The following TARBP1 variants were observed in gnomAD, a reference collection of about 807,000 sequenced individuals.
The protein encoded by TARBP1 is tRNA guanosine 2 -O-methyltransferase TARBP1, also known as tRNA (guanosine(18)-2'-O)-methyltransferase TARBP1.
Under a neutral mutation model 178.6 loss-of-function variants are expected in TARBP1, and 144 were observed. The observed-to-expected ratio is 0.81, with a 90% CI of 0.70 to 0.93. The LOEUF (loss-of-function observed/expected upper bound fraction) is 0.93. TARBP1 is among the 40% of genes least tolerant of loss of function. The probability of loss-of-function intolerance (pLI) is 0.00; values close to 1 mark genes in which losing one functional copy is unlikely to be tolerated. For synonymous variants in TARBP1, 787 were observed against 781.0 expected (o/e 1.01, Z -0.13); for missense variants, 2,067 against 2,011.7 (o/e 1.03, Z -0.53).
intron 25 of TARBP1, 69 bp from the exon 26 acceptor site, chr1:234,398,622 A>G: frequency 8.7e-7 from 1 of 1,155,324 alleles, no homozygotes; most frequent in Non-Finnish European, 1.2e-6. Context: ...AACATTTAAA[A>G]TACAACTTAA....
At chr1:234,423,091 G>T (rs1663297870) in intron 20 of TARBP1, among the ~76,000 whole-genome samples, 1 of 152,210 alleles carries the variant, frequency 6.6e-6, no homozygotes, top group Non-Finnish European at 1.5e-5. Context: ...TGACGCTGCT[G>T]ATCCAGAGAC....
At chr1:234,465,842 T>G in intron 4 of TARBP1, 134 bp from the exon 5 acceptor site, 1 of 673,354 alleles carries the variant, frequency 1.5e-6, no homozygotes, top group Non-Finnish European at 2.3e-6. Context: ...TCTCTTACGC[T>G]GCAGGCTAAA....
chr1:234,392,672 A>T, intron 28 of TARBP1, 120 bp from the exon 29 acceptor site: 1 of 835,170 alleles, frequency 1.2e-6, no homozygotes, highest in Non-Finnish European at 1.8e-6. Context: ...GGAGAGAATT[A>T]TACATTATAA....
At chr1:234,436,847 G>A (rs1161825006) in intron 13 of TARBP1, among the ~76,000 whole-genome samples, 2 of 152,222 alleles carry the variant, frequency 1.3e-5, no homozygotes, top group African/African-American at 4.8e-5. Flanking sequence ...TACAGTCACA[G>A]AGCATCCTCT....
At chr1:234,423,556 C>G (rs1355183494) in intron 20 of TARBP1, among the ~76,000 whole-genome samples, 2 of 152,126 alleles carry the variant, frequency 1.3e-5, no homozygotes. Context: ...CACCATGAAA[C>G]GCCTTTGTCG....
chr1:234,425,913 A>AT, intron 19 of TARBP1, 120 bp from the exon 20 acceptor site: 7 of 724,280 alleles, frequency 9.7e-6, no homozygotes, highest in Non-Finnish European at 1.6e-5. Flanking sequence ...AAAATTAAGT[A>AT]GGTCCATACT....
Position 234,391,473 on chromosome 1 carries a change from G to T in TARBP1, c.*104C>A. On this transcript the variant is annotated 3_prime_UTR_variant, in exon 30 of 30. Coordinates refer to ENST00000040877, the MANE Select transcript of TARBP1 (RefSeq NM_005646.4). ...TTTGGCATTAAATTGCAAGAAAAAA[G>T]AAATACAAATTATCACAATAAATTT... 2.3e-6 allele frequency: 3 copies of T among 1,297,978 alleles called. No individual in the cohort carries two copies. The highest frequency in any genetic ancestry group is 3.1e-6 in the Non-Finnish European group (3 of 976,408). 80.4% of individuals were successfully genotyped at this position (1,297,978 alleles called of 1,614,324 possible).
chr1:234,444,662 C>T (rs899935053), intron 12 of TARBP1, among the ~76,000 whole-genome samples: 13 of 151,698 alleles, frequency 8.6e-5, no homozygotes, highest in African/African-American at 2.9e-4. Context: ...CCAACACTTC[C>T]ATCCCCACCC....
At chr1:234,446,707 T>G (rs1666214219) in intron 12 of TARBP1, 96 bp downstream of exon 12, 1 of 760,904 alleles carries the variant, frequency 1.3e-6, no homozygotes. Flanking sequence ...ATAAAAAGTT[T>G]TCTCTTTGTT....
In TARBP1 at chr1:234,479,113, G is replaced by A. The variant is rs1410875758; in HGVS notation, c.-10C>T. On this transcript the variant is annotated 5_prime_UTR_variant, in exon 1 of 30. Transcript: ENST00000040877. ...CGAGCACCCACTCCATTTGCCGAGC[G>A]CCCGCGCCACCGGCCCGGGCTCCCA... 1.3e-6 allele frequency: 2 copies of A among 1,524,906 alleles called. No individual in the cohort carries two copies. The highest frequency in any genetic ancestry group is 1.4e-5 in the African/African-American group (1 of 69,414). The allele number at this position is 1,524,906 out of a possible 1,614,324, so 94.5% of individuals were successfully genotyped here. A position where few individuals can be genotyped will look rare whatever the true frequency, so the allele number is the denominator to read the frequency against.
Position 234,478,754 on chromosome 1 carries a change from G to A in TARBP1, c.350C>T (p.Ala117Val), listed in dbSNP as rs538746249. Residue 117 changes from alanine to valine, a missense_variant, in exon 1 of 30, where the codon GCG becomes GTG. Transcript: ENST00000040877. ...CVRLAGRPQL[A>V]AALAEEALRD... ...CAGCGCCTCCTCAGCCAGCGCGGCC[G>A]CCAGCTGCGGACGCCCGGCCAGGCG... is the stretch of plus-strand genomic sequence containing the variant. 21 of 1,145,158 alleles carry A rather than the reference G, an allele frequency of 1.8e-5. No individual in the cohort carries two copies. Among genetic ancestry groups the A allele is most frequent in the African/African-American group, 8.3e-5 (5 of 60,570 alleles). The allele number at this position is 1,145,158 out of a possible 1,614,324, so 70.9% of individuals were successfully genotyped here. A position where few individuals can be genotyped will look rare whatever the true frequency, so the allele number is the denominator to read the frequency against.
At position 234,479,151 on chromosome 1, in the gene TARBP1, GGC is replaced by G. The variant is rs1408397785; in HGVS notation, c.-50_-49del. 1 of 1,461,412 alleles carries G rather than the reference GGC, an allele frequency of 6.8e-7. No homozygotes were observed. Among genetic ancestry groups the G allele is most frequent in the African/African-American group, 1.5e-5 (1 of 67,648 alleles). 90.5% of individuals were successfully genotyped at this position (1,461,412 alleles called of 1,614,324 possible). On this transcript the variant is annotated 5_prime_UTR_variant, in exon 1 of 30. Coordinates refer to ENST00000040877, the MANE Select transcript of TARBP1 (RefSeq NM_005646.4). ...GCCCGGGCTCCCAAAGGAAGGCGCC[GGC>G]GTGTGCGATGCGTGCGCACAGGACC... is the stretch of plus-strand genomic sequence containing the variant.
At chr1:234,454,789 A>G (rs1312840992) in intron 9 of TARBP1, among the ~76,000 whole-genome samples, 1 of 152,220 alleles carries the variant, frequency 6.6e-6, no homozygotes, top group East Asian at 1.9e-4. Context: ...GGTAGGCCCA[A>G]AGATACCGAG....
chr1:234,392,394 A>G (rs969490945), intron 29 of TARBP1, 22 bp downstream of exon 29: 5 of 1,611,858 alleles, frequency 3.1e-6, no homozygotes, highest in African/African-American at 1.3e-5. Flanking sequence ...AGAATATACT[A>G]TGGACACAAG....
intron 12 of TARBP1, among the ~76,000 whole-genome samples, chr1:234,437,864 C>T (rs905296229): frequency 2.0e-5 from 3 of 152,190 alleles, no homozygotes; most frequent in Admixed American, 2.0e-4. Flanking sequence ...TACTGGATTG[C>T]AGACAGGGAG....
chr1:234,453,926 G>A (rs763886706), intron 9 of TARBP1, among the ~76,000 whole-genome samples: 1 of 152,100 alleles, frequency 6.6e-6, no homozygotes, highest in Non-Finnish European at 1.5e-5. Context: ...AGGACATTAG[G>A]AGACAGGCAA....
In TARBP1 at chr1:234,439,452, C is replaced by A. The variant is rs192420892; in HGVS notation, c.2135-2080G>T. Among the ~76,000 whole-genome samples the A allele has an allele frequency of 4.6e-5, 7 of 151,960 alleles. No homozygotes were observed. In the East Asian group the frequency reaches 1.4e-3, roughly 29 times the overall value. On this transcript the variant is annotated intron_variant, in intron 12 of 29. Transcript: ENST00000040877. The stretch of plus-strand genomic sequence containing the variant: ...ATATGTACTGCAATCCTAAGGCAAC[C>A]ACACACACACAAAAAAAGGCTGAAT...
At chr1:234,473,631 C>G (rs75258400) in intron 1 of TARBP1, among the ~76,000 whole-genome samples, 11,304 of 152,288 alleles carry the variant, frequency 0.074, 481 homozygotes, top group African/African-American at 0.12. Context: ...GAGGAAAGAT[C>G]TGAAAATATA....
At chr1:234,417,691 T>C (rs1002133506) in intron 22 of TARBP1, among the ~76,000 whole-genome samples, 10 of 152,236 alleles carry the variant, frequency 6.6e-5, no homozygotes, top group African/African-American at 1.9e-4. Flanking sequence ...TTCTATTCTT[T>C]CTACGTTATG....
Sources: allele counts gnomAD v4.1 joint callset (sites outside exome capture counted in the v4.1 genomes callset), GRCh38; gene constraint gnomAD v4.1.1; transcripts MANE v1.5; gene names NCBI Gene and HGNC (gene_info 2026-07-23, HGNC 2026-07-21).